CERS6: variants seen among roughly 807,000 people sequenced by gnomAD.
The protein encoded by CERS6 is ceramide synthase 6.
A neutral mutation model predicts 56.8 loss-of-function variants in CERS6; 26 were observed. The observed-to-expected ratio is 0.46, with a 90% CI of 0.34 to 0.63. The LOEUF is 0.63. CERS6 is among the 30% of genes least tolerant of loss of function. The pLI is 0.01. For synonymous variants in CERS6, 164 were observed against 173.3 expected, an observed-to-expected ratio of 0.95 and a Z score of 0.42; for missense variants, 415 against 467.5, an observed-to-expected ratio of 0.89 and a Z score of 1.04.
chr2:168,746,805 A>G (rs1684115036), intron 8 of CERS6, among the ~76,000 whole-genome samples: 2 of 112,854 alleles, frequency 1.8e-5, no homozygotes, highest in Non-Finnish European at 3.6e-5. Flanking sequence ...ATATATATAT[A>G]TATATATATA....
rs1371742353 is a variant in CERS6, at chr2:168,724,886, G to A, written c.845+6908G>A. On this transcript the variant is annotated intron_variant, in intron 8 of 9. Coordinates refer to ENST00000305747, the MANE Select transcript of CERS6 (RefSeq NM_203463.3). ...AGGTGGAGCTGCCTGCCAGTCCAGC[G>A]CCGTGTGCCTGCACTCCTCAGCCCT... Among the ~76,000 whole-genome samples, 5 of 152,354 alleles carry A rather than the reference G, an allele frequency of 3.3e-5. No homozygotes were observed. In the East Asian group the frequency reaches 5.8e-4, roughly 18 times the overall value.
chr2:168,638,972 T>G (rs1684925868), intron 4 of CERS6, among the ~76,000 whole-genome samples: 2 of 152,194 alleles, frequency 1.3e-5, no homozygotes, highest in South Asian at 4.1e-4. Flanking sequence ...ATTTGGTGTT[T>G]TATAAAACCA....
chr2:168,596,889 A>T (rs974841873), intron 3 of CERS6, among the ~76,000 whole-genome samples: 2 of 152,214 alleles, frequency 1.3e-5, no homozygotes, highest in Non-Finnish European at 2.9e-5. Flanking sequence ...CTTAGAGTTC[A>T]TGAAACTTTT....
At chr2:168,511,994 A>G (rs550057434) in intron 1 of CERS6, among the ~76,000 whole-genome samples, 3 of 152,090 alleles carry the variant, frequency 2.0e-5, no homozygotes, top group South Asian at 4.2e-4. Context: ...ATATCATTCA[A>G]CCTTAAAAAG....
At chr2:168,458,616 G>T (rs953824891) in intron 1 of CERS6, among the ~76,000 whole-genome samples, 4 of 152,214 alleles carry the variant, frequency 2.6e-5, no homozygotes, top group African/African-American at 9.6e-5. Flanking sequence ...TTGATATAAA[G>T]TGAGTTGGTC....
intron 1 of CERS6, among the ~76,000 whole-genome samples, chr2:168,534,690 C>T (rs1029819003): frequency 8.5e-5 from 13 of 152,140 alleles, no homozygotes; most frequent in South Asian, 2.1e-4. Context: ...CCCTGTTGGA[C>T]GGTCTCACCC....
chr2:168,673,098 A>G (rs992036933), intron 4 of CERS6, among the ~76,000 whole-genome samples: 1 of 152,242 alleles, frequency 6.6e-6, no homozygotes, highest in Non-Finnish European at 1.5e-5. Context: ...ATTCTAATAT[A>G]TGAAAGTAGC....
intron 4 of CERS6, among the ~76,000 whole-genome samples, chr2:168,687,064 G>A (rs1156846757): frequency 6.6e-6 from 1 of 152,154 alleles, no homozygotes; most frequent in African/African-American, 2.4e-5. Context: ...CAATAGGAAT[G>A]GAGAAAGGGT....
At chr2:168,578,727 C>T (rs187054443) in intron 3 of CERS6, among the ~76,000 whole-genome samples, 238 of 152,088 alleles carry the variant, frequency 1.6e-3, no homozygotes, top group Non-Finnish European at 2.0e-3. Context: ...ATCCAGGTTT[C>T]TTGCTTTTAA....
intron 3 of CERS6, among the ~76,000 whole-genome samples, chr2:168,590,935 G>A (rs1193213115): frequency 6.6e-6 from 1 of 152,238 alleles, no homozygotes; most frequent in Non-Finnish European, 1.5e-5. Flanking sequence ...TAGAGAGACA[G>A]GTGGGATTTG....
chr2:168,651,001 T>C (rs1210729536), intron 4 of CERS6, among the ~76,000 whole-genome samples: 1 of 151,916 alleles, frequency 6.6e-6, no homozygotes, highest in Non-Finnish European at 1.5e-5. Flanking sequence ...TTTGAGGAGA[T>C]TGGGTGGTGA....
chr2:168,644,683 A>G (rs976203972), intron 4 of CERS6, among the ~76,000 whole-genome samples: 1 of 152,192 alleles, frequency 6.6e-6, no homozygotes, highest in Non-Finnish European at 1.5e-5. Flanking sequence ...GCTGACAGCC[A>G]GTTTCAGGCA....
At chr2:168,625,368 T>G (rs1056573145) in intron 3 of CERS6, among the ~76,000 whole-genome samples, 1 of 152,194 alleles carries the variant, frequency 6.6e-6, no homozygotes, top group Non-Finnish European at 1.5e-5. Flanking sequence ...CTCTCTCCCC[T>G]TTTTTGTTCA....
intron 1 of CERS6, among the ~76,000 whole-genome samples, chr2:168,538,072 C>T (rs1164697182): frequency 1.3e-5 from 2 of 152,144 alleles, no homozygotes. Context: ...CCACCTCTGG[C>T]CTGGATAATT....
intron 4 of CERS6, among the ~76,000 whole-genome samples, chr2:168,676,759 C>T (rs1405732147): frequency 6.6e-6 from 1 of 152,190 alleles, no homozygotes; most frequent in Non-Finnish European, 1.5e-5. Context: ...CTTTTTGCCC[C>T]AGAAGTGCTG....
chr2:168,556,252 T>C (rs1405761428), intron 2 of CERS6, among the ~76,000 whole-genome samples: 1 of 152,144 alleles, frequency 6.6e-6, no homozygotes, highest in Non-Finnish European at 1.5e-5. Context: ...GTTGTTAATA[T>C]TGATAAAGAA....
intron 1 of CERS6, among the ~76,000 whole-genome samples, chr2:168,523,959 T>A (rs1453019106): frequency 6.6e-6 from 1 of 152,214 alleles, no homozygotes; most frequent in Admixed American, 6.5e-5. Context: ...CTTAGTGTCC[T>A]CTTCAGACTT....
chr2:168,533,237 C>T (rs1695199024), intron 1 of CERS6, among the ~76,000 whole-genome samples: 1 of 152,184 alleles, frequency 6.6e-6, no homozygotes, highest in Non-Finnish European at 1.5e-5. Flanking sequence ...TGTTGTGTCT[C>T]TGCCAGGTTT....
intron 5 of CERS6, 122 bp downstream of exon 5, chr2:168,691,206 C>T: frequency 1.3e-6 from 1 of 794,082 alleles, no homozygotes; most frequent in South Asian, 1.4e-5. Context: ...CCCACTCCCG[C>T]TGATCAGTGC....
Sources: allele counts gnomAD v4.1 joint callset (sites outside exome capture counted in the v4.1 genomes callset), GRCh38; gene constraint gnomAD v4.1.1; transcripts MANE v1.5; gene names NCBI Gene and HGNC (gene_info 2026-07-23, HGNC 2026-07-21).